TANC2: variants seen among roughly 807,000 people sequenced by gnomAD.
The protein encoded by TANC2 is tetratricopeptide repeat, ankyrin repeat and coiled-coil containing 2.
A neutral mutation model predicts 210.5 loss-of-function variants in TANC2; 26 were observed. The ratio of observed to expected loss-of-function variants is 0.12; its 90% CI spans 0.09 to 0.17. The LOEUF is 0.17. TANC2 is among the 10% of genes least tolerant of loss of function. TANC2 has a pLI of 1.00. For synonymous variants in TANC2, 931 were observed against 967.1 expected, an observed-to-expected ratio of 0.96 and a Z score of 0.69; for missense variants, 2,129 against 2,608.9, an observed-to-expected ratio of 0.82 and a Z score of 4.01.
chr17:63,022,069 G>A (rs563992089), intron 2 of TANC2, among the ~76,000 whole-genome samples: 15 of 152,092 alleles, frequency 9.9e-5, no homozygotes, highest in African/African-American at 1.7e-4. Flanking sequence ...GGCCGGGCGC[G>A]GTGGGTCATA....
At chr17:63,120,111 T>C (rs2038405106) in intron 4 of TANC2, among the ~76,000 whole-genome samples, 1 of 152,136 alleles carries the variant, frequency 6.6e-6, no homozygotes, top group Admixed American at 6.5e-5. Context: ...GAGGTTAGTA[T>C]TTTTATTAGC....
intron 21 of TANC2, 102 bp downstream of exon 21, chr17:63,406,379 T>G: frequency 6.6e-7 from 1 of 1,519,222 alleles, no homozygotes; most frequent in Non-Finnish European, 8.9e-7. Context: ...GAACAGATAT[T>G]AATCCAGTTG....
intron 7 of TANC2, among the ~76,000 whole-genome samples, chr17:63,213,549 A>G (rs1390028460): frequency 6.6e-6 from 1 of 152,242 alleles, no homozygotes; most frequent in Non-Finnish European, 1.5e-5. Flanking sequence ...AGAAATCAGG[A>G]TAAGTATACA....
At chr17:63,123,385 G>A (rs575471212) in intron 4 of TANC2, among the ~76,000 whole-genome samples, 1 of 151,954 alleles carries the variant, frequency 6.6e-6, no homozygotes, top group South Asian at 2.1e-4. Flanking sequence ...GTGGAATCCT[G>A]TCTCTACTAA....
intron 9 of TANC2, among the ~76,000 whole-genome samples, chr17:63,292,190 G>A (rs1299125049): frequency 3.9e-5 from 6 of 152,152 alleles, no homozygotes; most frequent in African/African-American, 1.4e-4. Flanking sequence ...CTTAGATTGT[G>A]TGAAAGACAC....
At chr17:63,398,409 A>C (rs976302035) in intron 18 of TANC2, among the ~76,000 whole-genome samples, 19 of 151,864 alleles carry the variant, frequency 1.3e-4, no homozygotes, top group Non-Finnish European at 2.5e-4. Context: ...TGAGTCATGA[A>C]CACATTACTG....
intron 5 of TANC2, among the ~76,000 whole-genome samples, chr17:63,167,156 G>A (rs2040237630): frequency 1.3e-5 from 2 of 152,140 alleles, no homozygotes; most frequent in Non-Finnish European, 2.9e-5. Context: ...TTTGATCTAA[G>A]TTTGAACTCT....
chr17:63,136,512 C>A (rs539089654), intron 4 of TANC2, among the ~76,000 whole-genome samples: 1 of 152,266 alleles, frequency 6.6e-6, no homozygotes, highest in East Asian at 1.9e-4. Flanking sequence ...TTAATTCATT[C>A]AACAAGTAAT....
At chr17:63,308,184 A>G (rs1402411610) in intron 9 of TANC2, among the ~76,000 whole-genome samples, 1 of 152,206 alleles carries the variant, frequency 6.6e-6, no homozygotes, top group Non-Finnish European at 1.5e-5. Flanking sequence ...TTTCTATCCC[A>G]TAGTAAATTT....
exon 26 of TANC2, chr17:63,415,563 G>T: frequency 1.2e-6 from 2 of 1,613,958 alleles, no homozygotes; most frequent in Non-Finnish European, 8.5e-7. Flanking sequence ...AGCGCTACCA[G>T]TACGCCCTGA....
chr17:63,298,440 C>T (rs1342296950), intron 9 of TANC2, among the ~76,000 whole-genome samples: 2 of 152,120 alleles, frequency 1.3e-5, no homozygotes, highest in East Asian at 3.8e-4. Flanking sequence ...AGAAGACAGA[C>T]ACAAAATGTC....
intron 5 of TANC2, among the ~76,000 whole-genome samples, chr17:63,169,538 T>C (rs909406567): frequency 6.6e-6 from 1 of 152,134 alleles, no homozygotes; most frequent in African/African-American, 2.4e-5. Flanking sequence ...TTAAGAATTT[T>C]TAAAATGGCC....
At chr17:63,119,720 A>G (rs934063815) in intron 4 of TANC2, among the ~76,000 whole-genome samples, 1 of 152,216 alleles carries the variant, frequency 6.6e-6, no homozygotes, top group Non-Finnish European at 1.5e-5. Flanking sequence ...ATTTTTATTA[A>G]CAGTAGCAAA....
chr17:63,145,689 A>C (rs2039439444), intron 4 of TANC2, among the ~76,000 whole-genome samples: 1 of 152,062 alleles, frequency 6.6e-6, no homozygotes, highest in Admixed American at 6.6e-5. Context: ...TGGTATTAAT[A>C]CCCTTGTCAA....
intron 9 of TANC2, among the ~76,000 whole-genome samples, chr17:63,272,774 A>C (rs907627913): frequency 6.6e-5 from 10 of 152,114 alleles, no homozygotes; most frequent in Non-Finnish European, 1.3e-4. Flanking sequence ...GCTTATATAC[A>C]CTGTAGTATA....
chr17:63,207,489 A>G (rs534504852), intron 7 of TANC2, among the ~76,000 whole-genome samples: 119 of 152,268 alleles, frequency 7.8e-4, no homozygotes, highest in Non-Finnish European at 1.8e-4. Flanking sequence ...TGCTGGGATT[A>G]CAGGCATGAG....
At chr17:63,427,274 A>G (rs2049168059) in exon 28 of TANC2, 1 of 152,218 alleles carries the variant, frequency 6.6e-6, no homozygotes, top group Non-Finnish European at 1.5e-5. Flanking sequence ...ATTTGTACTA[A>G]TATGATTTTG....
chr17:63,097,665 A>G (rs1207113610), intron 3 of TANC2, among the ~76,000 whole-genome samples: 3 of 152,092 alleles, frequency 2.0e-5, no homozygotes, highest in Admixed American at 1.3e-4. Flanking sequence ...CATGCAGCCC[A>G]CGGGCTAGAT....
chr17:63,099,692 G>A lies in TANC2; in HGVS notation c.322+335G>A, dbSNP rs116037313. 9.2e-3 allele frequency among the ~76,000 whole-genome samples: 1,406 copies of A among 152,242 alleles called. 24 individuals carry two copies. The highest frequency in any genetic ancestry group is 0.033 in the African/African-American group (1,352 of 41,542). On this transcript the variant is annotated intron_variant, in intron 4 of 27. Coordinates refer to ENST00000689528, the Ensembl canonical transcript of TANC2. Reference sequence around the variant, plus strand: ...TGTTCATGTCAGGTTAACAGATGGAGACATTCTAATTTTAGGATAATAGGA... The same window carrying A: ...TGTTCATGTCAGGTTAACAGATGGAAACATTCTAATTTTAGGATAATAGGA...
Sources: gnomAD v4.1 joint callset for allele counts (sites outside exome capture counted in the v4.1 genomes callset) on GRCh38, gnomAD v4.1.1 for gene constraint, MANE v1.5 for transcripts, NCBI Gene and HGNC (gene_info 2026-07-23, HGNC 2026-07-21) for gene names.